NAALADL2: variants seen among roughly 807,000 people sequenced by gnomAD.
NAALADL2 encodes the protein N-acetylated alpha-linked acidic dipeptidase like 2.
NAALADL2 carries 76 observed loss-of-function variants against 87.2 expected under a neutral mutation model. The observed-to-expected ratio is 0.87, with a 90% CI of 0.72 to 1.05. The LOEUF (loss-of-function observed/expected upper bound fraction) is 1.05. NAALADL2 is among the 50% of genes least tolerant of loss of function. NAALADL2 has a pLI of 0.00. For synonymous variants in NAALADL2, 354 were observed against 331.0 expected, an observed-to-expected ratio of 1.07 and a Z score of -0.75; for missense variants, 1,089 against 945.8, an observed-to-expected ratio of 1.15 and a Z score of -1.99.
intron 1 of NAALADL2, among the ~76,000 whole-genome samples, chr3:174,449,484 G>A (rs1438980035): frequency 1.3e-5 from 2 of 152,152 alleles, no homozygotes; most frequent in East Asian, 3.9e-4. Context: ...AGGATAATTA[G>A]TAGTGTCTGA....
intron 3 of NAALADL2, among the ~76,000 whole-genome samples, chr3:174,821,619 T>A (rs1047247039): frequency 6.6e-6 from 1 of 152,194 alleles, no homozygotes; most frequent in African/African-American, 2.4e-5. Flanking sequence ...GGAGGAGATT[T>A]GGGCAATTAC....
intron 2 of NAALADL2, among the ~76,000 whole-genome samples, chr3:175,132,109 G>C (rs1339295315): frequency 7.5e-6 from 1 of 133,496 alleles, no homozygotes; most frequent in Non-Finnish European, 1.6e-5. Flanking sequence ...CCTCCCGCCC[G>C]GATGGGGCGG....
rs1047497355 is a variant in NAALADL2, at chr3:175,362,847, G to T, written c.1090+38522G>T. ...CACTGCATCCATGCCAACATCTGTT[G>T]TTTTTTGACTTTTTGATCATGGCCA... On this transcript the variant is annotated intron_variant, in intron 5 of 13. Coordinates refer to ENST00000454872, the MANE Select transcript of NAALADL2 (RefSeq NM_207015.3). Among the ~76,000 whole-genome samples the T allele has an allele frequency of 1.4e-5, 2 of 147,580 alleles. 1 individual carries two copies. The highest frequency in any genetic ancestry group is 3.0e-5 in the Non-Finnish European group (2 of 66,354).
At chr3:175,151,739 A>G (rs988848600) in intron 2 of NAALADL2, among the ~76,000 whole-genome samples, 1 of 152,224 alleles carries the variant, frequency 6.6e-6, no homozygotes, top group African/African-American at 2.4e-5. Context: ...TTAAAAACCT[A>G]TGTAAAAAAT....
At chr3:175,337,710 A>AAAAC (rs200621187) in intron 5 of NAALADL2, among the ~76,000 whole-genome samples, 3 of 152,324 alleles carry the variant, frequency 2.0e-5, no homozygotes, top group East Asian at 3.9e-4. Flanking sequence ...AACTAATACA[A>AAAAC]AAACAAACAA....
chr3:175,718,851 A>AAAAC (rs112791160), intron 11 of NAALADL2, among the ~76,000 whole-genome samples: 20 of 152,208 alleles, frequency 1.3e-4, no homozygotes, highest in African/African-American at 4.3e-4. Context: ...AAAAAGACAA[A>AAAAC]AAACAAACAA....
chr3:174,785,866 T>C (rs1359778574), intron 3 of NAALADL2, among the ~76,000 whole-genome samples: 1 of 152,202 alleles, frequency 6.6e-6, no homozygotes, highest in Middle Eastern at 3.2e-3. Flanking sequence ...TATTTTCTTA[T>C]TCAAGTTTGT....
At chr3:175,199,856 ATATATATATTTTTTTTTT>A (rs1406680933) in intron 2 of NAALADL2, among the ~76,000 whole-genome samples, 725 of 19,344 alleles carry the variant, frequency 0.037, 17 homozygotes, top group Middle Eastern at 0.069. Flanking sequence ...ATATATATAT[ATATATATATTTTTTTTTT>A]TTTTTTTTTT....
At chr3:175,599,164 G>T (rs111464847) in intron 10 of NAALADL2, among the ~76,000 whole-genome samples, 2 of 152,044 alleles carry the variant, frequency 1.3e-5, no homozygotes, top group South Asian at 2.1e-4. Flanking sequence ...ATGAATTTAC[G>T]CTGGCATATA....
chr3:175,232,966 C>T (rs1052861560), intron 2 of NAALADL2, among the ~76,000 whole-genome samples: 1 of 151,928 alleles, frequency 6.6e-6, no homozygotes, highest in Non-Finnish European at 1.5e-5. Context: ...GTTCTAGGTA[C>T]TATACAAAAT....
intron 9 of NAALADL2, among the ~76,000 whole-genome samples, chr3:175,485,649 T>G (rs1226008731): frequency 6.6e-6 from 1 of 152,154 alleles, no homozygotes; most frequent in African/African-American, 2.4e-5. Flanking sequence ...GCTGGAAGAC[T>G]CAGCAAGTTA....
At chr3:175,067,189 G>T (rs1157062333) in intron 1 of NAALADL2, among the ~76,000 whole-genome samples, 3 of 152,192 alleles carry the variant, frequency 2.0e-5, no homozygotes, top group Admixed American at 6.6e-5. Context: ...CCTTGGGAAA[G>T]AATTTATGAC....
chr3:174,827,382 A>C (rs1489649978), intron 3 of NAALADL2, among the ~76,000 whole-genome samples: 1 of 152,180 alleles, frequency 6.6e-6, no homozygotes. Context: ...TCCTGAAAGC[A>C]TGGAGGGGAG....
At chr3:175,438,209 A>T (rs946210211) in intron 5 of NAALADL2, among the ~76,000 whole-genome samples, 1 of 152,150 alleles carries the variant, frequency 6.6e-6, no homozygotes, top group African/African-American at 2.4e-5. Context: ...ATTTTAAATA[A>T]TAATCTAAAC....
intron 2 of NAALADL2, among the ~76,000 whole-genome samples, chr3:175,163,620 C>A (rs990823311): frequency 6.6e-6 from 1 of 152,078 alleles, no homozygotes; most frequent in Non-Finnish European, 1.5e-5. Context: ...ATTACCATAA[C>A]AACTATTCAT....
At chr3:174,631,198 A>T (rs186001997) in intron 2 of NAALADL2, among the ~76,000 whole-genome samples, 1 of 152,202 alleles carries the variant, frequency 6.6e-6, no homozygotes, top group Non-Finnish European at 1.5e-5. Flanking sequence ...AAGCATTTAC[A>T]GTGTATACAA....
intron 1 of NAALADL2, among the ~76,000 whole-genome samples, chr3:174,536,188 C>T (rs944005914): frequency 6.6e-6 from 1 of 151,958 alleles, no homozygotes; most frequent in Non-Finnish European, 1.5e-5. Flanking sequence ...AAACAGCATT[C>T]TTATTGAGAA....
intron 5 of NAALADL2, among the ~76,000 whole-genome samples, chr3:175,371,815 TA>T (rs367881183): frequency 0.077 from 10,854 of 141,850 alleles, 725 homozygotes; most frequent in African/African-American, 0.19. Flanking sequence ...CTCCATCTAT[TA>T]AAAAAAAAAA....
intron 3 of NAALADL2, among the ~76,000 whole-genome samples, chr3:174,754,826 G>T (rs1215707009): frequency 2.0e-5 from 3 of 152,054 alleles, no homozygotes; most frequent in Admixed American, 2.0e-4. Flanking sequence ...CATTAATAAT[G>T]GCAGCTAAAT....
Sources: gnomAD v4.1 joint callset for allele counts (sites outside exome capture counted in the v4.1 genomes callset) on GRCh38, gnomAD v4.1.1 for gene constraint, MANE v1.5 for transcripts, NCBI Gene and HGNC (gene_info 2026-07-23, HGNC 2026-07-21) for gene names.